LHX2: variants seen among roughly 807,000 people sequenced by gnomAD.
LHX2 encodes the protein LIM homeobox 2.
LHX2 carries 6 observed loss-of-function variants against 33.0 expected under a neutral mutation model. The ratio of observed to expected loss-of-function variants is 0.18; its 90% CI spans 0.10 to 0.36. The LOEUF (loss-of-function observed/expected upper bound fraction) is 0.36, where lower values mean the gene tolerates loss of function less well. Ranked by LOEUF, LHX2 falls within the 10% of genes least tolerant of loss-of-function variation. LHX2 has a pLI of 1.00. For synonymous variants in LHX2, 292 were observed against 253.1 expected (o/e 1.15, Z -1.46); for missense variants, 442 against 586.2 (o/e 0.75, Z 2.54).
chr9:124,013,026 C>T (rs1156573082), intron 1 of LHX2, among the ~76,000 whole-genome samples: 1 of 152,260 alleles, frequency 6.6e-6, no homozygotes, highest in East Asian at 1.9e-4. Context: ...CAGGCCAGGG[C>T]TGGGAGTTCA....
intron 3 of LHX2, among the ~76,000 whole-genome samples, chr9:124,020,152 C>T (rs1859267260): frequency 1.3e-5 from 2 of 152,172 alleles, no homozygotes; most frequent in Admixed American, 6.5e-5. Flanking sequence ...TTTCCCTTAG[C>T]GTTAGTTTCC....
At position 124,015,705 on chromosome 9, in the gene LHX2, G is replaced by A. The variant is rs946262921; in HGVS notation, c.727+180G>A. ...CAGACTGTGCGTCCTCGGCTGGAGC[G>A]GGAGGAGAGGGTGCAGTGGTCCCTT... is the stretch of plus-strand genomic sequence containing the variant. On this transcript the variant is annotated intron_variant, in intron 3 of 4. Coordinates refer to ENST00000373615, the MANE Select transcript of LHX2 (RefSeq NM_004789.4). The surrounding 1 kb of genome is among the most constrained non-coding windows in gnomAD (Gnocchi z 7.9). 3.3e-5 allele frequency among the ~76,000 whole-genome samples: 5 copies of A among 152,240 alleles called. No individual in the cohort carries two copies. Among genetic ancestry groups the A allele is most frequent in the Non-Finnish European group, 7.3e-5 (5 of 68,038 alleles).
chr9:124,015,578 C>T lies in LHX2; in HGVS notation c.727+53C>T. 1 of 1,435,326 alleles carries T rather than the reference C, an allele frequency of 7.0e-7. No homozygotes were observed. 88.9% of individuals were successfully genotyped at this position (1,435,326 alleles called of 1,614,324 possible). ...CATAGGGTTGGGGGAAAGTGTGCGG[C>T]CTCGACGGCCGGGAGCTGGATTGAA... On this transcript the variant is annotated intron_variant, in intron 3 of 4. Transcript: ENST00000373615. The surrounding 1 kb of genome is among the most constrained non-coding windows in gnomAD (Gnocchi z 7.9).
At position 124,021,770 on chromosome 9, in the gene LHX2, T is replaced by C. The variant is rs771495711; in HGVS notation, c.933+466T>C. ...TGCTTCTTACCCACTCTAGTTTCTC[T>C]TCTCTTGCTGTCTGCCTCTGTCTCA... On this transcript the variant is annotated intron_variant, in intron 4 of 4. Transcript: ENST00000373615. The C allele has an allele frequency of 3.8e-5, 6 of 158,654 alleles. No homozygotes were observed. The South Asian group carries it at 5.5e-4, about 15-fold the overall frequency. The allele number at this position is 158,654 out of a possible 1,614,324, so 9.8% of individuals were successfully genotyped here.
Position 124,014,410 on chromosome 9 carries a change from T to C in LHX2, c.323+247T>C, listed in dbSNP as rs1588345044. On this transcript the variant is annotated intron_variant, in intron 2 of 4. Transcript: ENST00000373615. This position sits in a 1 kb window ranked among gnomAD's most constrained non-coding sequence, Gnocchi z 4.8. ...AGAAAAAAAGCAGAAGCTGCCCTCCTGCTCGGAGCTTAGACCACAAAAAAG... is the reference window on the plus strand; with the variant it reads ...AGAAAAAAAGCAGAAGCTGCCCTCCCGCTCGGAGCTTAGACCACAAAAAAG... Among the ~76,000 whole-genome samples, 1 of 152,076 alleles carries C rather than the reference T, an allele frequency of 6.6e-6. No homozygotes were observed. Among genetic ancestry groups the C allele is most frequent in the East Asian group, 1.9e-4 (1 of 5,192 alleles).
chr9:124,015,568 A>T lies in LHX2; in HGVS notation c.727+43A>T. The T allele has an allele frequency of 2.8e-6, 4 of 1,441,244 alleles. No individual in the cohort carries two copies. The highest frequency in any genetic ancestry group is 3.7e-6 in the Non-Finnish European group (4 of 1,093,370). The allele number at this position is 1,441,244 out of a possible 1,614,324, so 89.3% of individuals were successfully genotyped here. A position where few individuals can be genotyped will look rare whatever the true frequency, so the allele number is the denominator to read the frequency against. The stretch of plus-strand genomic sequence containing the variant: ...GAAGCGCCCCCATAGGGTTGGGGGA[A>T]AGTGTGCGGCCTCGACGGCCGGGAG... On this transcript the variant is annotated intron_variant, in intron 3 of 4. Coordinates refer to ENST00000373615, the MANE Select transcript of LHX2 (RefSeq NM_004789.4). The surrounding 1 kb of genome is among the most constrained non-coding windows in gnomAD (Gnocchi z 7.9).
At chr9:124,022,280 C>T (rs533057223) in intron 4 of LHX2, among the ~76,000 whole-genome samples, 3 of 152,194 alleles carry the variant, frequency 2.0e-5, no homozygotes, top group East Asian at 1.9e-4. Flanking sequence ...ACTGAAATGA[C>T]GTGCCTGTGG....
intron 4 of LHX2, among the ~76,000 whole-genome samples, chr9:124,028,224 G>T (rs1242599360): frequency 6.6e-6 from 1 of 152,202 alleles, no homozygotes; most frequent in Admixed American, 6.5e-5. Context: ...TGCCTGGGAA[G>T]GGGCAAGAAG....
At position 124,032,578 on chromosome 9, in the gene LHX2, C is replaced by T; in HGVS notation, c.1092C>T (p.Pro364=). 2 of 1,614,142 alleles carry T rather than the reference C, an allele frequency of 1.2e-6. No homozygotes were observed. Among genetic ancestry groups the T allele is most frequent in the Non-Finnish European group, 1.7e-6 (2 of 1,180,012 alleles). ...CCTCGCTCAGCCCCTCCAGCACGCC[C>T]ACCACCCTGACAGACTTGACTAGCC... ...SNASLSPSST[P]TTLTDLTSPT... is the part of the protein sequence containing the mutation. Residue 364 remains proline, a synonymous_variant, in exon 5 of 5, where the codon CCC becomes CCT. Coordinates refer to ENST00000373615, the MANE Select transcript of LHX2 (RefSeq NM_004789.4). The surrounding 1 kb of genome is among the most constrained non-coding windows in gnomAD (Gnocchi z 4.1).
At position 124,032,836 on chromosome 9, in the gene LHX2, G is replaced by A. The variant is rs907421423; in HGVS notation, c.*129G>A. On this transcript the variant is annotated 3_prime_UTR_variant, in exon 5 of 5. Coordinates refer to ENST00000373615, the MANE Select transcript of LHX2 (RefSeq NM_004789.4). The surrounding 1 kb of genome is among the most constrained non-coding windows in gnomAD (Gnocchi z 4.1). The stretch of plus-strand genomic sequence containing the variant: ...CATTTTAGGATCTCGCCTGGAAACA[G>A]AGGTAAAAAAAAGAAGTGTGCGCCC... The A allele has an allele frequency of 6.2e-6, 7 of 1,121,832 alleles. No homozygotes were observed. The highest frequency in any genetic ancestry group is 6.2e-6 in the Non-Finnish European group (5 of 806,072). The allele number at this position is 1,121,832 out of a possible 1,614,324, so 69.5% of individuals were successfully genotyped here.
rs1376786537 is a variant in LHX2 at position 124,021,789 on chromosome 9, T to G, written c.933+485T>G. The stretch of plus-strand genomic sequence containing the variant: ...TTTCTCTTCTCTTGCTGTCTGCCTC[T>G]GTCTCACTCCCCCCTCTCTCTTCCT... On this transcript the variant is annotated intron_variant, in intron 4 of 4. Transcript: ENST00000373615. 1.9e-5 allele frequency: 3 copies of G among 158,670 alleles called. No individual in the cohort carries two copies. The East Asian group carries it at 5.6e-4, about 30-fold the overall frequency. 9.8% of individuals were successfully genotyped at this position (158,670 alleles called of 1,614,324 possible). A position where few individuals can be genotyped will look rare whatever the true frequency, so the allele number is the denominator to read the frequency against.
At position 124,016,234 on chromosome 9, in the gene LHX2, G is replaced by T. The variant is rs1859188294; in HGVS notation, c.727+709G>T. Among the ~76,000 whole-genome samples the T allele has an allele frequency of 6.6e-6, 1 of 151,396 alleles. No homozygotes were observed. Among genetic ancestry groups the T allele is most frequent in the Non-Finnish European group, 1.5e-5 (1 of 67,826 alleles). Reference sequence around the variant, plus strand: ...AGGCCTGGCCTCGCGCCGGGGTGGGGTGGGGTGGGGTGAGGTGGGGGGCTT... The same window carrying T: ...AGGCCTGGCCTCGCGCCGGGGTGGGTTGGGGTGGGGTGAGGTGGGGGGCTT... On this transcript the variant is annotated intron_variant, in intron 3 of 4. Coordinates refer to ENST00000373615, the MANE Select transcript of LHX2 (RefSeq NM_004789.4). This position sits in a 1 kb window ranked among gnomAD's most constrained non-coding sequence, Gnocchi z 4.4.
At chr9:124,020,036 G>T (rs1353593685) in intron 3 of LHX2, among the ~76,000 whole-genome samples, 1 of 152,202 alleles carries the variant, frequency 6.6e-6, no homozygotes, top group East Asian at 1.9e-4. Flanking sequence ...TCCCTTCGTG[G>T]TGTAGTGGAA....
Position 124,032,550 on chromosome 9 carries a change from ACGCCT to A in LHX2, c.1068_1072del (p.Ser357GlnfsTer14). On this transcript the variant is annotated frameshift_variant, in exon 5 of 5. Transcript: ENST00000373615. LOFTEE classifies it high-confidence loss of function. The surrounding 1 kb of genome is among the most constrained non-coding windows in gnomAD (Gnocchi z 4.1). ...TCGGGCCCGGCCTCGGAGCTCTCCA[ACGCCT>A]CGCTCAGCCCCTCCAGCACGCCCAC... The A allele has an allele frequency of 6.2e-7, 1 of 1,614,052 alleles. No homozygotes were observed. Among genetic ancestry groups the A allele is most frequent in the East Asian group, 2.2e-5 (1 of 44,872 alleles).
Position 124,015,418 on chromosome 9 carries a change from A to T in LHX2, c.620A>T (p.Asn207Ile). 1 of 1,601,800 alleles carries T rather than the reference A, an allele frequency of 6.2e-7. No individual in the cohort carries two copies. The highest frequency in any genetic ancestry group is 8.5e-7 in the Non-Finnish European group (1 of 1,174,060). The change falls in exon 3 of 5, where the codon AAC becomes ATC. Residue 207 changes from asparagine to isoleucine, a missense_variant. By Grantham distance (149) the Asn-to-Ile change is moderately radical. Transcript: ENST00000373615. The surrounding 1 kb of genome is among the most constrained non-coding windows in gnomAD (Gnocchi z 7.9). ...KSAGLGAAGA[N>I]PLGLPYYNGV... ...GCGGGGCTGGGCGCAGCAGGGGCCA[A>T]CCCTCTGGGTCTTCCCTACTACAAT...
intron 4 of LHX2, among the ~76,000 whole-genome samples, chr9:124,025,177 G>A (rs138094742): frequency 0.055 from 8,305 of 152,260 alleles, 233 homozygotes; most frequent in Middle Eastern, 0.14. Flanking sequence ...TGTGGCTCAC[G>A]CCTGTAATCC....
rs1859154417 is a variant in LHX2, at chr9:124,014,687, G to T, written c.324-435G>T. Among the ~76,000 whole-genome samples the T allele has an allele frequency of 6.6e-6, 1 of 152,100 alleles. No individual in the cohort carries two copies. The highest frequency in any genetic ancestry group is 2.1e-4 in the South Asian group (1 of 4,820). ...TCCTTCTCCCCAGTTTTAGGATTAG[G>T]GTCTATGTATATTCTCTCTGTCTCT... On this transcript the variant is annotated intron_variant, in intron 2 of 4. Coordinates refer to ENST00000373615, the MANE Select transcript of LHX2 (RefSeq NM_004789.4). The surrounding 1 kb of genome is among the most constrained non-coding windows in gnomAD (Gnocchi z 4.8).
chr9:124,032,801 T>G lies in LHX2; in HGVS notation c.*94T>G. 6 of 1,337,278 alleles carry G rather than the reference T, an allele frequency of 4.5e-6. No homozygotes were observed. The highest frequency in any genetic ancestry group is 6.1e-6 in the Non-Finnish European group (6 of 981,894). The allele number at this position is 1,337,278 out of a possible 1,614,324, so 82.8% of individuals were successfully genotyped here. A position where few individuals can be genotyped will look rare whatever the true frequency, so the allele number is the denominator to read the frequency against. On this transcript the variant is annotated 3_prime_UTR_variant, in exon 5 of 5. Transcript: ENST00000373615. This position sits in a 1 kb window ranked among gnomAD's most constrained non-coding sequence, Gnocchi z 4.1. ...TTTTAAAATAGAGGCTTTGAGCAAC[T>G]AACTAACCACATTTTAGGATCTCGC...
rs1480290772 is a variant in LHX2 at position 124,012,336 on chromosome 9, C to G, written c.-13C>G. 1 of 1,491,338 alleles carries G rather than the reference C, an allele frequency of 6.7e-7. No homozygotes were observed. Among genetic ancestry groups the G allele is most frequent in the Non-Finnish European group, 8.9e-7 (1 of 1,125,740 alleles). The allele number at this position is 1,491,338 out of a possible 1,614,324, so 92.4% of individuals were successfully genotyped here. A position where few individuals can be genotyped will look rare whatever the true frequency, so the allele number is the denominator to read the frequency against. On this transcript the variant is annotated 5_prime_UTR_variant, in exon 1 of 5. Coordinates refer to ENST00000373615, the MANE Select transcript of LHX2 (RefSeq NM_004789.4). This position sits in a 1 kb window ranked among gnomAD's most constrained non-coding sequence, Gnocchi z 4.3. ...GGAGGAGCCGCGCCCCCGGCCCCGCCGGTCCCGCCGCGATGCTGTTCCACA... is the reference window on the plus strand; with the variant it reads ...GGAGGAGCCGCGCCCCCGGCCCCGCGGGTCCCGCCGCGATGCTGTTCCACA...
Sources: allele counts gnomAD v4.1 joint callset (sites outside exome capture counted in the v4.1 genomes callset), GRCh38; gene constraint gnomAD v4.1.1; non-coding constraint Gnocchi (gnomAD v3.1); transcripts MANE v1.5; gene names NCBI Gene and HGNC (gene_info 2026-07-23, HGNC 2026-07-21).